NDUFAF5: variants seen among roughly 807,000 people sequenced by gnomAD.
NDUFAF5 encodes the protein arginine-hydroxylase NDUFAF5, mitochondrial.
Under a neutral mutation model 48.9 loss-of-function variants are expected in NDUFAF5, and 34 were observed. That is an observed-to-expected ratio of 0.70 (90% CI 0.53 to 0.93). NDUFAF5 has a LOEUF of 0.93. NDUFAF5 is among the 40% of genes least tolerant of loss of function. NDUFAF5 has a pLI of 0.00. For synonymous variants in NDUFAF5, 153 were observed against 150.6 expected, an observed-to-expected ratio of 1.02 and a Z score of -0.12; for missense variants, 428 against 427.5, an observed-to-expected ratio of 1.00 and a Z score of -0.01.
intron 6 of NDUFAF5, among the ~76,000 whole-genome samples, chr20:13,800,553 C>T (rs1194452885): frequency 6.6e-6 from 1 of 152,120 alleles, no homozygotes; most frequent in Non-Finnish European, 1.5e-5. Flanking sequence ...CCATTATTTT[C>T]CTTAAGTTAC....
intron 5 of NDUFAF5, 69 bp downstream of exon 5, chr20:13,795,010 A>G: frequency 8.9e-7 from 1 of 1,123,646 alleles, no homozygotes; most frequent in Non-Finnish European, 1.3e-6. Context: ...TTTTGCTATG[A>G]GGCCAGGAGC....
chr20:13,787,297 C>A lies in NDUFAF5; in HGVS notation c.223-15C>A. 3.1e-6 allele frequency: 5 copies of A among 1,613,728 alleles called. No individual in the cohort carries two copies. Among genetic ancestry groups the A allele is most frequent in the Non-Finnish European group, 4.2e-6 (5 of 1,179,716 alleles). On this transcript the variant is annotated splice_polypyrimidine_tract_variant and intron_variant, in intron 1 of 10. Transcript: ENST00000378106. ...GTTACTTCCCCGTTAACCTACGCCT[C>A]GTGTAATCCTTCAGGTTGGAAGTCG...
At position 13,819,695 on chromosome 20, in the gene NDUFAF5, T is replaced by C. The variant is rs1986849455; in HGVS notation, c.*2485T>C. On this transcript the variant is annotated 3_prime_UTR_variant, in exon 11 of 11. Coordinates refer to ENST00000378106, the MANE Select transcript of NDUFAF5 (RefSeq NM_024120.5). ...AACCATTTCTTGATAACCCCACAGA[T>C]AATATCATAAACTCAAGTTGTCTGT... 1 of 152,234 alleles carries C rather than the reference T, an allele frequency of 6.6e-6. No homozygotes were observed. Among genetic ancestry groups the C allele is most frequent in the South Asian group, 2.1e-4 (1 of 4,826 alleles). 9.4% of individuals were successfully genotyped at this position (152,234 alleles called of 1,614,324 possible). A position where few individuals can be genotyped will look rare whatever the true frequency, so the allele number is the denominator to read the frequency against.
chr20:13,794,135 A>G (rs1015078545), intron 4 of NDUFAF5, among the ~76,000 whole-genome samples: 5 of 152,148 alleles, frequency 3.3e-5, no homozygotes, highest in Non-Finnish European at 5.9e-5. Context: ...TAATTAGTTT[A>G]TCATCAAATA....
In NDUFAF5 at chr20:13,818,166, CTG is replaced by C. The variant is rs1179781484; in HGVS notation, c.*958_*959del. ...CCTCCTTTACTGTATTAGCAACAAG[CTG>C]TCCATGGGTGGGGGCTGTGTGTTAG... On this transcript the variant is annotated 3_prime_UTR_variant, in exon 11 of 11. Coordinates refer to ENST00000378106, the MANE Select transcript of NDUFAF5 (RefSeq NM_024120.5). The C allele has an allele frequency of 2.2e-6, 1 of 454,116 alleles. No individual in the cohort carries two copies. The highest frequency in any genetic ancestry group is 4.4e-6 in the Non-Finnish European group (1 of 226,800). The allele number at this position is 454,116 out of a possible 1,614,324, so 28.1% of individuals were successfully genotyped here. A position where few individuals can be genotyped will look rare whatever the true frequency, so the allele number is the denominator to read the frequency against.
rs1449148299 is a variant in NDUFAF5, at chr20:13,788,579, T to C, written c.264-10T>C. The C allele has an allele frequency of 2.5e-6, 4 of 1,605,476 alleles. No individual in the cohort carries two copies. The highest frequency in any genetic ancestry group is 3.4e-6 in the Non-Finnish European group (4 of 1,172,588). ...TGGACAGAGCATAACCTCTGTGTCT[T>C]TTTTTTTAGAAATTTCCCCCTTGCT... On this transcript the variant is annotated splice_polypyrimidine_tract_variant and intron_variant, in intron 2 of 10. Transcript: ENST00000378106.
At chr20:13,808,094 G>T (rs1422804727) in intron 7 of NDUFAF5, among the ~76,000 whole-genome samples, 2 of 152,168 alleles carry the variant, frequency 1.3e-5, no homozygotes, top group Non-Finnish European at 2.9e-5. Context: ...ATCTGGCCCT[G>T]TGTTCTATAA....
Position 13,798,443 on chromosome 20 carries a change from T to G in NDUFAF5, c.480-18T>G. 6.3e-7 allele frequency: 1 copy of G among 1,597,812 alleles called. No homozygotes were observed. Among genetic ancestry groups the G allele is most frequent in the Non-Finnish European group, 8.6e-7 (1 of 1,165,356 alleles). On this transcript the variant is annotated intron_variant, in intron 5 of 10. Transcript: ENST00000378106. ...TGTGCCAGTTAAGCTAAAACAAATC[T>G]GTATTCTCATATTTTAGTTTGCATT... is the stretch of plus-strand genomic sequence containing the variant.
At chr20:13,794,967 A>G (rs201545317) in intron 5 of NDUFAF5, 26 bp downstream of exon 5, 65 of 1,452,656 alleles carry the variant, frequency 4.5e-5, no homozygotes, top group African/African-American at 2.4e-4. Flanking sequence ...TTTAAAAACC[A>G]TATGTTATAA....
intron 8 of NDUFAF5, among the ~76,000 whole-genome samples, chr20:13,813,553 G>T (rs1023404140): frequency 1.3e-5 from 2 of 152,168 alleles, no homozygotes; most frequent in East Asian, 3.9e-4. Context: ...AGCTTATGTT[G>T]TACTAGGGAA....
In NDUFAF5 at chr20:13,818,523, A is replaced by C; in HGVS notation, c.*1313A>C. On this transcript the variant is annotated 3_prime_UTR_variant, in exon 11 of 11. Coordinates refer to ENST00000378106, the MANE Select transcript of NDUFAF5 (RefSeq NM_024120.5). ...AAAACAAACTGCGCTAGCCAGGTGCAATGGCGCATGCCTGTAGTCCCAGCT... is the reference window on the plus strand; with the variant it reads ...AAAACAAACTGCGCTAGCCAGGTGCCATGGCGCATGCCTGTAGTCCCAGCT... 1 of 327,010 alleles carries C rather than the reference A, an allele frequency of 3.1e-6. No individual in the cohort carries two copies. The allele number at this position is 327,010 out of a possible 1,614,324, so 20.3% of individuals were successfully genotyped here. A position where few individuals can be genotyped will look rare whatever the true frequency, so the allele number is the denominator to read the frequency against.
intron 5 of NDUFAF5, among the ~76,000 whole-genome samples, chr20:13,796,299 C>T (rs1228035413): frequency 6.6e-6 from 1 of 152,190 alleles, no homozygotes; most frequent in African/African-American, 2.4e-5. Context: ...AAACTACTCA[C>T]ATTCTGTCAT....
chr20:13,810,761 A>T (rs539287451), intron 8 of NDUFAF5, among the ~76,000 whole-genome samples: 1 of 152,292 alleles, frequency 6.6e-6, no homozygotes, highest in South Asian at 2.1e-4. Flanking sequence ...TACAAAGGCC[A>T]GTGGAGGGGT....
At chr20:13,816,370 T>A (rs1328030336) in intron 8 of NDUFAF5, 93 bp from the exon 9 acceptor site, 1 of 845,212 alleles carries the variant, frequency 1.2e-6, no homozygotes, top group African/African-American at 1.7e-5. Context: ...TGAGGACAGG[T>A]ATACTGTTAG....
At chr20:13,806,051 A>T (rs942388055) in intron 7 of NDUFAF5, among the ~76,000 whole-genome samples, 4 of 152,218 alleles carry the variant, frequency 2.6e-5, no homozygotes, top group African/African-American at 4.8e-5. Context: ...TTTACGCTAC[A>T]ATGGATTTTT....
At chr20:13,797,059 T>A (rs191890917) in intron 5 of NDUFAF5, among the ~76,000 whole-genome samples, 2 of 152,164 alleles carry the variant, frequency 1.3e-5, no homozygotes, top group Non-Finnish European at 2.9e-5. Flanking sequence ...AAAAAATGGA[T>A]GTACCACACA....
Position 13,794,838 on chromosome 20 carries a change from A to G in NDUFAF5, c.376A>G (p.Lys126Glu). Residue 126 changes from lysine to glutamate, a missense_variant and splice_region_variant, in exon 5 of 11, where the codon AAA becomes GAA. Transcript: ENST00000378106. ...FQADIAENALKNSSETEIPTV... is the reference protein window; with the variant it reads ...FQADIAENALENSSETEIPTV... Reference sequence around the variant, plus strand: ...TGATCTTTCGTTTTCTTAACATTAGAAAAATTCCTCAGAAACAGAAATACC... The same window carrying G: ...TGATCTTTCGTTTTCTTAACATTAGGAAAATTCCTCAGAAACAGAAATACC... The G allele has an allele frequency of 6.3e-7, 1 of 1,589,988 alleles. No individual in the cohort carries two copies. Among genetic ancestry groups the G allele is most frequent in the South Asian group, 1.1e-5 (1 of 90,334 alleles).
intron 4 of NDUFAF5, among the ~76,000 whole-genome samples, chr20:13,794,559 G>A (rs746808340): frequency 6.6e-6 from 1 of 152,204 alleles, no homozygotes; most frequent in Non-Finnish European, 1.5e-5. Context: ...GATTATAGGC[G>A]TGAGCCACCA....
chr20:13,804,909 A>G (rs1984775841), intron 7 of NDUFAF5, among the ~76,000 whole-genome samples: 1 of 152,228 alleles, frequency 6.6e-6, no homozygotes, highest in Admixed American at 6.5e-5. Context: ...GTGTTCATAA[A>G]TGGAGGAAAG....
Sources: gnomAD v4.1 joint callset for allele counts (sites outside exome capture counted in the v4.1 genomes callset) on GRCh38, gnomAD v4.1.1 for gene constraint, MANE v1.5 for transcripts, NCBI Gene and HGNC (gene_info 2026-07-23, HGNC 2026-07-21) for gene names.